SCTR: variants seen among roughly 807,000 people sequenced by gnomAD.
SCTR encodes pancreatic secretin receptor.
Under a neutral mutation model 60.8 loss-of-function variants are expected in SCTR, and 56 were observed. The ratio of observed to expected loss-of-function variants is 0.92; its 90% CI spans 0.74 to 1.15. The LOEUF (loss-of-function observed/expected upper bound fraction) is 1.15. Ranked by LOEUF, SCTR falls within the 50% of genes most tolerant of loss-of-function variation. The pLI is 0.00. For missense variants in SCTR, 562 were observed against 550.4 expected (o/e 1.02, Z -0.21); for synonymous variants, 202 against 217.0 (o/e 0.93, Z 0.61).
chr2:119,511,322 TAC>T (rs1420213420), intron 1 of SCTR, among the ~76,000 whole-genome samples: 1 of 152,232 alleles, frequency 6.6e-6, no homozygotes, highest in East Asian at 1.9e-4. Context: ...AAAATCTCCC[TAC>T]ATATACTTCT....
intron 2 of SCTR, chr2:119,486,129 G>A (rs1677858501): frequency 6.6e-6 from 1 of 152,154 alleles, no homozygotes; most frequent in South Asian, 2.1e-4. Flanking sequence ...AGGAGAAACA[G>A]CTAAAGAGTC....
At chr2:119,498,523 A>G (rs907065334) in intron 1 of SCTR, among the ~76,000 whole-genome samples, 8 of 152,132 alleles carry the variant, frequency 5.3e-5, no homozygotes, top group Non-Finnish European at 1.2e-4. Flanking sequence ...CAAAAATTAC[A>G]ACACTGTCTG....
At position 119,440,088 on chromosome 2, in the gene SCTR, C is replaced by G. The variant is rs114973388; in HGVS notation, c.*29G>C. Reference sequence around the variant, plus strand: ...GCCTTCGCAGGACCTCTCTTGGTCTCTGTCCGTGGGTGACCCTGCTCCAGC... The same window carrying G: ...GCCTTCGCAGGACCTCTCTTGGTCTGTGTCCGTGGGTGACCCTGCTCCAGC... On this transcript the variant is annotated 3_prime_UTR_variant, in exon 13 of 13. Coordinates refer to ENST00000019103, the MANE Select transcript of SCTR (RefSeq NM_002980.3). 5.9e-4 allele frequency: 949 copies of G among 1,604,974 alleles called. 1 individual carries two copies. The highest frequency in any genetic ancestry group is 7.5e-4 in the Non-Finnish European group (885 of 1,174,408).
intron 1 of SCTR, among the ~76,000 whole-genome samples, chr2:119,502,018 G>A (rs7597887): frequency 0.013 from 2,039 of 152,244 alleles, 46 homozygotes; most frequent in African/African-American, 0.047. Context: ...CACTTTGGGC[G>A]GCCAAGGTAG....
chr2:119,479,382 G>T, intron 2 of SCTR: 1 of 568,366 alleles, frequency 1.8e-6, no homozygotes, highest in Non-Finnish European at 2.2e-6. Flanking sequence ...ATTGGTTTGG[G>T]TGGGCCCAGG....
At chr2:119,470,531 G>A (rs1318787447) in intron 4 of SCTR, among the ~76,000 whole-genome samples, 1 of 151,896 alleles carries the variant, frequency 6.6e-6, no homozygotes, top group Non-Finnish European at 1.5e-5. Context: ...ACCATTTTTG[G>A]ACAATCATTT....
At chr2:119,449,564 G>C (rs1402192379) in intron 9 of SCTR, among the ~76,000 whole-genome samples, 2 of 151,992 alleles carry the variant, frequency 1.3e-5, no homozygotes. Context: ...TCATTTTGGT[G>C]TCCCCTCCCC....
intron 1 of SCTR, among the ~76,000 whole-genome samples, chr2:119,501,952 C>T (rs111821236): frequency 6.6e-5 from 10 of 152,228 alleles, no homozygotes; most frequent in South Asian, 2.1e-4. Flanking sequence ...TGAGCACATG[C>T]ACAGTGAATT....
chr2:119,505,418 C>A (rs1180147072), intron 1 of SCTR, among the ~76,000 whole-genome samples: 1 of 150,892 alleles, frequency 6.6e-6, no homozygotes, highest in African/African-American at 2.4e-5. Flanking sequence ...CACATGTATA[C>A]ATATGTAACT....
chr2:119,441,540 T>G lies in SCTR; in HGVS notation c.1182+18A>C, dbSNP rs1573774696. 6.2e-7 allele frequency: 1 copy of G among 1,605,646 alleles called. No individual in the cohort carries two copies. The highest frequency in any genetic ancestry group is 1.3e-5 in the African/African-American group (1 of 74,856). On this transcript the variant is annotated intron_variant, in intron 12 of 12. Coordinates refer to ENST00000019103, the MANE Select transcript of SCTR (RefSeq NM_002980.3). ...CTAGGAGCTCTCCTGGGTACCTGGG[T>G]GACCCAAGACTACTCACCTCCCCAT...
chr2:119,513,155 T>G (rs1424637063), intron 1 of SCTR, among the ~76,000 whole-genome samples: 1 of 152,244 alleles, frequency 6.6e-6, no homozygotes, highest in Non-Finnish European at 1.5e-5. Flanking sequence ...CAGGATGACT[T>G]GACAGTTTCT....
intron 10 of SCTR, 127 bp from the exon 11 acceptor site, chr2:119,447,012 CT>C: frequency 9.9e-7 from 1 of 1,012,636 alleles, no homozygotes; most frequent in Non-Finnish European, 1.3e-6. Flanking sequence ...GTACCCCAAA[CT>C]TTTTTGTTTT....
intron 4 of SCTR, among the ~76,000 whole-genome samples, chr2:119,472,615 G>A (rs1435909517): frequency 1.3e-5 from 2 of 152,194 alleles, no homozygotes; most frequent in Admixed American, 6.5e-5. Flanking sequence ...TCAGAGCCGG[G>A]AGACTCCTTC....
At chr2:119,488,366 C>T (rs1677971264) in intron 2 of SCTR, among the ~76,000 whole-genome samples, 1 of 152,316 alleles carries the variant, frequency 6.6e-6, no homozygotes, top group South Asian at 2.1e-4. Flanking sequence ...AGAGTAAGGT[C>T]CGGAAGAGAG....
In SCTR at chr2:119,451,503, A is replaced by G. The variant is rs556554018; in HGVS notation, c.921+507T>C. 3.9e-5 allele frequency among the ~76,000 whole-genome samples: 6 copies of G among 152,324 alleles called. No individual in the cohort carries two copies. In the East Asian group the frequency reaches 1.2e-3, roughly 29 times the overall value. On this transcript the variant is annotated intron_variant, in intron 9 of 12. Coordinates refer to ENST00000019103, the MANE Select transcript of SCTR (RefSeq NM_002980.3). Reference sequence around the variant, plus strand: ...CTCCTGTCCAAGATGGTCACCCAGCATCTCTTCCCTGGGGCCGCCCCTCCA... The same window carrying G: ...CTCCTGTCCAAGATGGTCACCCAGCGTCTCTTCCCTGGGGCCGCCCCTCCA...
chr2:119,523,404 TTA>T (rs1679348547), intron 1 of SCTR, among the ~76,000 whole-genome samples: 1 of 143,972 alleles, frequency 6.9e-6, no homozygotes, highest in African/African-American at 2.5e-5. Flanking sequence ...ATTATTATTA[TTA>T]TTATTATTAT....
intron 9 of SCTR, among the ~76,000 whole-genome samples, chr2:119,449,549 T>C (rs895179071): frequency 1.3e-5 from 2 of 152,118 alleles, no homozygotes; most frequent in African/African-American, 4.8e-5. Flanking sequence ...ACGCAGTCTT[T>C]TTATTCATTT....
intron 9 of SCTR, 106 bp from the exon 10 acceptor site, chr2:119,448,886 C>T: frequency 1.5e-6 from 1 of 661,308 alleles, no homozygotes; most frequent in South Asian, 1.8e-5. Flanking sequence ...TTGCAGACAC[C>T]ACAGCCAGGA....
At chr2:119,521,347 C>T (rs1236298031) in intron 1 of SCTR, among the ~76,000 whole-genome samples, 1 of 152,208 alleles carries the variant, frequency 6.6e-6, no homozygotes, top group Non-Finnish European at 1.5e-5. Flanking sequence ...TCCATGCATT[C>T]ATTCAACAAA....
Sources: gnomAD v4.1 joint callset for allele counts (sites outside exome capture counted in the v4.1 genomes callset) on GRCh38, gnomAD v4.1.1 for gene constraint, MANE v1.5 for transcripts, NCBI Gene and HGNC (gene_info 2026-07-23, HGNC 2026-07-21) for gene names.